ZNF423: variants seen among roughly 807,000 people sequenced by gnomAD.
ZNF423 encodes Ebf-associated zinc finger protein.
In ZNF423, 12 loss-of-function variants were observed where a neutral mutation model predicts 95.8. The observed-to-expected ratio is 0.13, with a 90% CI of 0.08 to 0.20. The LOEUF is 0.20. Ranked by LOEUF, ZNF423 falls within the 10% of genes least tolerant of loss-of-function variation. ZNF423 has a pLI of 1.00. For missense variants in ZNF423, 1,316 were observed against 1,737.1 expected, an observed-to-expected ratio of 0.76 and a Z score of 4.31; for synonymous variants, 749 against 711.9, an observed-to-expected ratio of 1.05 and a Z score of -0.83.
intron 3 of ZNF423, among the ~76,000 whole-genome samples, chr16:49,726,185 G>C (rs1046807388): frequency 4.6e-5 from 7 of 152,262 alleles, no homozygotes; most frequent in Admixed American, 1.3e-4. Flanking sequence ...GGAAAGTCAG[G>C]TCTCAAGCAT....
At chr16:49,576,704 G>A (rs934122476) in intron 5 of ZNF423, among the ~76,000 whole-genome samples, 5 of 152,178 alleles carry the variant, frequency 3.3e-5, no homozygotes, top group African/African-American at 1.2e-4. Flanking sequence ...TCCTACCTTT[G>A]ACTTTCCAGT....
At chr16:49,660,521 A>G (rs1459309863) in intron 3 of ZNF423, among the ~76,000 whole-genome samples, 1 of 152,226 alleles carries the variant, frequency 6.6e-6, no homozygotes, top group Non-Finnish European at 1.5e-5. Context: ...CAGGGAGTAT[A>G]TAAGCCTGAC....
At chr16:49,581,225 T>C (rs1396618543) in intron 5 of ZNF423, among the ~76,000 whole-genome samples, 1 of 152,188 alleles carries the variant, frequency 6.6e-6, no homozygotes, top group Non-Finnish European at 1.5e-5. Flanking sequence ...GTCTCCTCTC[T>C]TTTCCATGGC....
intron 5 of ZNF423, among the ~76,000 whole-genome samples, chr16:49,619,117 C>A (rs1258090234): frequency 6.6e-6 from 1 of 152,080 alleles, no homozygotes; most frequent in African/African-American, 2.4e-5. Context: ...ACTCTGAGAC[C>A]CTGATTAGGT....
chr16:49,581,782 A>G (rs1445702002), intron 5 of ZNF423, among the ~76,000 whole-genome samples: 1 of 152,066 alleles, frequency 6.6e-6, no homozygotes, highest in Non-Finnish European at 1.5e-5. Context: ...TTTTCTTTCA[A>G]TCCTATTAAG....
chr16:49,654,200 C>T (rs1213317886), intron 3 of ZNF423, among the ~76,000 whole-genome samples: 1 of 152,206 alleles, frequency 6.6e-6, no homozygotes, highest in Non-Finnish European at 1.5e-5. Context: ...CCGAGCATGC[C>T]TCACCTGCTC....
intron 5 of ZNF423, among the ~76,000 whole-genome samples, chr16:49,582,669 G>A (rs536836471): frequency 6.6e-6 from 1 of 152,236 alleles, no homozygotes; most frequent in African/African-American, 2.4e-5. Flanking sequence ...CTTCCAGGCA[G>A]TGGAAACTGA....
rs1286832424 is a variant in ZNF423 at position 49,636,181 on chromosome 16, G to A, written c.2995C>T (p.Arg999Cys). The change falls in exon 4 of 8, where the codon CGC (arginine) becomes TGC (cysteine). Residue 999 changes from arginine to cysteine, a missense_variant. This residue lies in a region of ZNF423 where 620 missense variants were observed against 775.6 expected (regional missense o/e 0.80). Transcript: ENST00000563137. This position sits in a 1 kb window ranked among gnomAD's most constrained non-coding sequence, Gnocchi z 8.6. ...HSKSLDTGTCRICKMPLQSEE... is the reference protein window; with the variant it reads ...HSKSLDTGTCCICKMPLQSEE... Reference sequence around the variant, plus strand: ...CTCTGCAGGGGCATCTTGCAGATGCGACAGGTGCCCGTGTCCAGGCTCTTG... The same window carrying A: ...CTCTGCAGGGGCATCTTGCAGATGCAACAGGTGCCCGTGTCCAGGCTCTTG... 6.2e-7 allele frequency: 1 copy of A among 1,613,558 alleles called. No individual in the cohort carries two copies.
chr16:49,704,510 G>GAT (rs2032291074), intron 3 of ZNF423, among the ~76,000 whole-genome samples: 1 of 152,176 alleles, frequency 6.6e-6, no homozygotes, highest in South Asian at 2.1e-4. Context: ...AGCAAACTGG[G>GAT]ATAGCTGTAC....
chr16:49,528,529 C>T (rs1255140819), intron 5 of ZNF423, among the ~76,000 whole-genome samples: 1 of 151,970 alleles, frequency 6.6e-6, no homozygotes, highest in Non-Finnish European at 1.5e-5. Flanking sequence ...GAGAGTCAAA[C>T]CTGGGGAAAG....
At chr16:49,682,275 C>G (rs2031395457) in intron 3 of ZNF423, among the ~76,000 whole-genome samples, 1 of 152,096 alleles carries the variant, frequency 6.6e-6, no homozygotes, top group South Asian at 2.1e-4. Flanking sequence ...CATTCTCCAA[C>G]CGTCTCCCTG....
In ZNF423 at chr16:49,488,286, A is replaced by G. The variant is rs1966874056; in HGVS notation, c.*2989T>C. The G allele has an allele frequency of 6.6e-6, 1 of 152,254 alleles. No homozygotes were observed. Among genetic ancestry groups the G allele is most frequent in the African/African-American group, 2.4e-5 (1 of 41,466 alleles). The allele number at this position is 152,254 out of a possible 1,614,324, so 9.4% of individuals were successfully genotyped here. On this transcript the variant is annotated 3_prime_UTR_variant, in exon 8 of 8. Coordinates refer to ENST00000563137, the MANE Select transcript of ZNF423 (RefSeq NM_001379286.1). ...TGGGGAACTCGAGAAGATTTCTCCC[A>G]TGACAGTTTCTCCACTGAGACTGAA...
At chr16:49,642,426 G>T (rs7499459) in intron 3 of ZNF423, among the ~76,000 whole-genome samples, 3 of 152,180 alleles carry the variant, frequency 2.0e-5, no homozygotes, top group African/African-American at 4.8e-5. Context: ...TTGCAGGCTG[G>T]CTGCTTGGCT....
chr16:49,793,194 A>G (rs1313940075), intron 1 of ZNF423, among the ~76,000 whole-genome samples: 1 of 130,042 alleles, frequency 7.7e-6, no homozygotes, highest in East Asian at 2.2e-4. Flanking sequence ...TCCAGACTGG[A>G]TCTCCAGCAA....
intron 5 of ZNF423, among the ~76,000 whole-genome samples, chr16:49,560,338 C>T (rs147652087): frequency 5.9e-5 from 9 of 152,296 alleles, no homozygotes; most frequent in African/African-American, 2.2e-4. Context: ...TCCCAGTTGA[C>T]AATTTTTCTT....
chr16:49,631,688 G>A (rs1972506375), intron 4 of ZNF423, among the ~76,000 whole-genome samples: 1 of 152,184 alleles, frequency 6.6e-6, no homozygotes, highest in Non-Finnish European at 1.5e-5. Context: ...GGAAGAAATG[G>A]CCAGGCCCTT....
intron 5 of ZNF423, among the ~76,000 whole-genome samples, chr16:49,601,636 C>A (rs1213202482): frequency 6.6e-6 from 1 of 152,190 alleles, no homozygotes; most frequent in African/African-American, 2.4e-5. Context: ...TAAAAGGCAG[C>A]CCTCTCTGTA....
chr16:49,756,649 G>A (rs1180173310), intron 2 of ZNF423, among the ~76,000 whole-genome samples: 1 of 152,186 alleles, frequency 6.6e-6, no homozygotes, highest in African/African-American at 2.4e-5. Context: ...AGTTGGAAGG[G>A]ACCTAAGAGA....
chr16:49,628,009 C>T (rs1026803015), intron 4 of ZNF423, among the ~76,000 whole-genome samples: 4 of 150,698 alleles, frequency 2.7e-5, no homozygotes, highest in Non-Finnish European at 5.9e-5. Context: ...CCTATCCATC[C>T]ATCTACATAC....
Sources: gnomAD v4.1 joint callset for allele counts (sites outside exome capture counted in the v4.1 genomes callset) on GRCh38, gnomAD v4.1.1 for gene constraint, gnomAD v4.1.1 regional missense constraint, Gnocchi (gnomAD v3.1) non-coding constraint, MANE v1.5 for transcripts, NCBI Gene and HGNC (gene_info 2026-07-23, HGNC 2026-07-21) for gene names.